The following LRRC49 variants were observed in gnomAD, a reference collection of about 807,000 sequenced individuals.
The protein encoded by LRRC49 is leucine-rich repeat-containing protein 49.
A neutral mutation model predicts 83.3 loss-of-function variants in LRRC49; 50 were observed. The ratio of observed to expected loss-of-function variants is 0.60; its 90% CI spans 0.48 to 0.76. LRRC49 has a LOEUF of 0.76. Among genes scored for constraint, LRRC49 ranks in the 30% least tolerant of loss-of-function variants. The probability of loss-of-function intolerance (pLI) is 0.00; values close to 1 mark genes in which losing one functional copy is unlikely to be tolerated. For synonymous variants in LRRC49, 286 were observed against 283.3 expected, an observed-to-expected ratio of 1.01 and a Z score of -0.10; for missense variants, 704 against 809.1, an observed-to-expected ratio of 0.87 and a Z score of 1.58.
chr15:71,008,837 T>C (rs999376055), intron 12 of LRRC49, among the ~76,000 whole-genome samples: 1 of 151,912 alleles, frequency 6.6e-6, no homozygotes, highest in Non-Finnish European at 1.5e-5. Context: ...AAATGATCCT[T>C]TGTGGAGTAG....
chr15:70,911,935 T>G (rs899275475), intron 6 of LRRC49, among the ~76,000 whole-genome samples: 1 of 152,152 alleles, frequency 6.6e-6, no homozygotes, highest in African/African-American at 2.4e-5. Context: ...TCCATCTCCT[T>G]ATTTCTGCAT....
At chr15:71,031,372 C>T (rs188111380) in intron 14 of LRRC49, among the ~76,000 whole-genome samples, 22 of 152,358 alleles carry the variant, frequency 1.4e-4, no homozygotes, top group Admixed American at 1.1e-3. Context: ...CTGGAAGCTT[C>T]GTCCCAGAGG....
chr15:70,970,280 T>A (rs2036946633), intron 9 of LRRC49, among the ~76,000 whole-genome samples: 1 of 152,178 alleles, frequency 6.6e-6, no homozygotes, highest in East Asian at 1.9e-4. Context: ...TGGATTACAT[T>A]TATTGATTTG....
At chr15:70,901,647 A>G (rs190967819) in intron 4 of LRRC49, among the ~76,000 whole-genome samples, 298 of 152,222 alleles carry the variant, frequency 2.0e-3, no homozygotes, top group Admixed American at 2.4e-3. Flanking sequence ...CTCTGCTTTC[A>G]TTATTTTTCT....
intron 9 of LRRC49, among the ~76,000 whole-genome samples, chr15:70,970,721 A>G (rs1187368928): frequency 6.6e-6 from 1 of 152,112 alleles, no homozygotes; most frequent in African/African-American, 2.4e-5. Flanking sequence ...GGGAGGGTAT[A>G]TGTGTCCAGG....
intron 1 of LRRC49, among the ~76,000 whole-genome samples, chr15:70,867,133 T>C (rs1463839282): frequency 6.6e-6 from 1 of 151,644 alleles, no homozygotes; most frequent in Non-Finnish European, 1.5e-5. Flanking sequence ...CTCATTCCTT[T>C]CACCCTCTTT....
chr15:70,969,358 C>G (rs541919235), intron 9 of LRRC49, among the ~76,000 whole-genome samples: 2 of 152,216 alleles, frequency 1.3e-5, no homozygotes, highest in Admixed American at 6.5e-5. Context: ...GTTTTGGTAC[C>G]AGTACCTTGT....
At chr15:70,928,650 C>T (rs2035298523) in intron 7 of LRRC49, among the ~76,000 whole-genome samples, 1 of 152,070 alleles carries the variant, frequency 6.6e-6, no homozygotes, top group Non-Finnish European at 1.5e-5. Context: ...ACTGCAAGCT[C>T]CACCTCCCGG....
At chr15:70,979,240 T>C (rs1049744304) in intron 9 of LRRC49, among the ~76,000 whole-genome samples, 6 of 152,076 alleles carry the variant, frequency 3.9e-5, no homozygotes, top group African/African-American at 1.2e-4. Context: ...AATTGTAAGA[T>C]TTGAGTTAGG....
chr15:71,000,134 A>G (rs1432726384), intron 11 of LRRC49, among the ~76,000 whole-genome samples: 1 of 152,226 alleles, frequency 6.6e-6, no homozygotes, highest in Admixed American at 6.5e-5. Flanking sequence ...ATTGAAATTC[A>G]GCAGTTTTTC....
chr15:70,974,057 T>C (rs189531057), intron 9 of LRRC49, among the ~76,000 whole-genome samples: 3 of 151,822 alleles, frequency 2.0e-5, no homozygotes, highest in East Asian at 1.9e-4. Context: ...AACCAGGGAG[T>C]TGGAGGTTGC....
intron 14 of LRRC49, among the ~76,000 whole-genome samples, chr15:71,029,673 C>G (rs1270272414): frequency 6.6e-6 from 1 of 152,130 alleles, no homozygotes; most frequent in African/African-American, 2.4e-5. Flanking sequence ...TTGTAGGTCT[C>G]TAAGAAGTTG....
chr15:71,041,601 G>A (rs1420031111), intron 15 of LRRC49, among the ~76,000 whole-genome samples: 1 of 152,044 alleles, frequency 6.6e-6, no homozygotes. Flanking sequence ...AAACATTAGT[G>A]AAGCATACAA....
chr15:70,999,361 C>A (rs1168601988), intron 11 of LRRC49, among the ~76,000 whole-genome samples: 3 of 151,952 alleles, frequency 2.0e-5, no homozygotes, highest in African/African-American at 7.3e-5. Context: ...AATGACTTTC[C>A]TAATTATTTC....
At chr15:71,023,443 G>A (rs2039055740) in intron 14 of LRRC49, among the ~76,000 whole-genome samples, 1 of 152,178 alleles carries the variant, frequency 6.6e-6, no homozygotes, top group African/African-American at 2.4e-5. Flanking sequence ...TAGTAGCTGT[G>A]GTTGGAGACT....
At chr15:70,944,415 T>C (rs1225931788) in intron 8 of LRRC49, among the ~76,000 whole-genome samples, 1 of 152,194 alleles carries the variant, frequency 6.6e-6, no homozygotes, top group Non-Finnish European at 1.5e-5. Context: ...TCTTTTTTTT[T>C]CTTTGAGACC....
chr15:70,894,705 G>A (rs2033756093), intron 2 of LRRC49: 2 of 947,000 alleles, frequency 2.1e-6, no homozygotes, highest in South Asian at 3.0e-5. Context: ...GGCGTCACTG[G>A]AAGAACTCTA....
intron 11 of LRRC49, among the ~76,000 whole-genome samples, chr15:71,008,095 G>A (rs960678303): frequency 3.3e-5 from 5 of 151,918 alleles, no homozygotes; most frequent in Admixed American, 6.6e-5. Context: ...TAAACGGCTT[G>A]TTTTAAAACT....
intron 14 of LRRC49, among the ~76,000 whole-genome samples, chr15:71,015,166 A>T (rs1242002750): frequency 6.6e-6 from 1 of 152,210 alleles, no homozygotes; most frequent in African/African-American, 2.4e-5. Context: ...AAAACAAAAT[A>T]CAAATGCCTT....
Sources: gnomAD v4.1 joint callset for allele counts (sites outside exome capture counted in the v4.1 genomes callset) on GRCh38, gnomAD v4.1.1 for gene constraint, MANE v1.5 for transcripts, NCBI Gene and HGNC (gene_info 2026-07-23, HGNC 2026-07-21) for gene names.